WWOX: variants seen among roughly 807,000 people sequenced by gnomAD.
WWOX encodes the protein WW domain-containing oxidoreductase.
In WWOX, 69 loss-of-function variants were observed where a neutral mutation model predicts 46.2. The ratio of observed to expected loss-of-function variants is 1.49; its 90% CI spans 1.23 to 1.82. The LOEUF is 1.82. Among genes scored for constraint, WWOX ranks in the 40% most tolerant of loss-of-function variants. The pLI, the probability that WWOX is intolerant of heterozygous loss-of-function variation, is 0.00. For missense variants in WWOX, 919 were observed against 542.6 expected (o/e 1.69, Z -6.89); for synonymous variants, 359 against 202.6 (o/e 1.77, Z -6.56).
At chr16:79,090,552 TA>T (rs1567543046) in intron 8 of WWOX, among the ~76,000 whole-genome samples, 2 of 152,076 alleles carry the variant, frequency 1.3e-5, no homozygotes, top group Admixed American at 6.5e-5. Context: ...GCTGTAAAGA[TA>T]ATTCATTCCT....
chr16:78,516,712 G>T (rs919259771), intron 8 of WWOX, among the ~76,000 whole-genome samples: 1 of 152,184 alleles, frequency 6.6e-6, no homozygotes, highest in Non-Finnish European at 1.5e-5. Context: ...CAGCTGAAAT[G>T]ATCCTTACTT....
intron 8 of WWOX, among the ~76,000 whole-genome samples, chr16:79,171,575 G>A (rs1314912636): frequency 1.3e-5 from 2 of 152,184 alleles, no homozygotes; most frequent in Non-Finnish European, 2.9e-5. Flanking sequence ...AGTGGGTGCT[G>A]ATTTCACAGT....
chr16:78,145,614 T>G (rs1214302525), intron 4 of WWOX, among the ~76,000 whole-genome samples: 1 of 152,166 alleles, frequency 6.6e-6, no homozygotes, highest in African/African-American at 2.4e-5. Flanking sequence ...GACTTAAATG[T>G]TAACCTCCTT....
chr16:78,823,198 G>A (rs932216142), intron 8 of WWOX, among the ~76,000 whole-genome samples: 4 of 152,240 alleles, frequency 2.6e-5, no homozygotes, highest in African/African-American at 9.6e-5. Context: ...GGTGGAAACG[G>A]TCACAGGGTC....
At chr16:78,377,560 T>C (rs2081859633) in intron 5 of WWOX, among the ~76,000 whole-genome samples, 1 of 152,216 alleles carries the variant, frequency 6.6e-6, no homozygotes, top group African/African-American at 2.4e-5. Context: ...CTTACTTCAA[T>C]AGCAAGGCAT....
At chr16:78,881,787 C>T (rs1364474749) in intron 8 of WWOX, among the ~76,000 whole-genome samples, 2 of 152,186 alleles carry the variant, frequency 1.3e-5, no homozygotes, top group Non-Finnish European at 2.9e-5. Context: ...CAGTTGGTTT[C>T]TATAGTGATT....
intron 8 of WWOX, among the ~76,000 whole-genome samples, chr16:78,436,462 C>T (rs552470384): frequency 1.3e-5 from 2 of 152,258 alleles, no homozygotes; most frequent in Non-Finnish European, 2.9e-5. Flanking sequence ...TTTAGATAAG[C>T]ATGAAGATGA....
intron 8 of WWOX, among the ~76,000 whole-genome samples, chr16:78,784,415 CA>C (rs2050405263): frequency 6.6e-6 from 1 of 151,892 alleles, no homozygotes; most frequent in Admixed American, 6.6e-5. Flanking sequence ...TTTCTCCACC[CA>C]GGAGCCCTTA....
At position 79,211,854 on chromosome 16, in the gene WWOX, G is replaced by A; in HGVS notation, c.*58G>A. 1.2e-6 allele frequency: 2 copies of A among 1,607,584 alleles called. No individual in the cohort carries two copies. The highest frequency in any genetic ancestry group is 1.7e-6 in the Non-Finnish European group (2 of 1,177,744). On this transcript the variant is annotated 3_prime_UTR_variant, in exon 9 of 9. Coordinates refer to ENST00000566780, the MANE Select transcript of WWOX (RefSeq NM_016373.4). ...GCCCTGTGTGTGTCCCCTCACGCAA[G>A]TGCCAGGGCTGGGCCCCTTCCAAAT...
At position 78,432,640 on chromosome 16, in the gene WWOX, G is replaced by A. The variant is rs530883793; in HGVS notation, c.944G>A (p.Gly315Glu). 6.2e-7 allele frequency: 1 copy of A among 1,614,170 alleles called. No individual in the cohort carries two copies. The highest frequency in any genetic ancestry group is 1.7e-5 in the Admixed American group (1 of 60,022). ...NELHRRLSPR[G>E]VTSNAVHPGN... Reference sequence around the variant, plus strand: ...CTGCACCGTCGCCTCTCCCCACGCGGGGTCACGTCGAACGCAGTGCATCCT... The same window carrying A: ...CTGCACCGTCGCCTCTCCCCACGCGAGGTCACGTCGAACGCAGTGCATCCT... Residue 315 changes from glycine (G) to glutamate (E), a missense_variant, in exon 8 of 9, where the codon GGG (glycine) becomes GAG (glutamate). Coordinates refer to ENST00000566780, the MANE Select transcript of WWOX (RefSeq NM_016373.4).
intron 7 of WWOX, among the ~76,000 whole-genome samples, chr16:78,426,312 C>A (rs1019491726): frequency 2.6e-5 from 4 of 152,154 alleles, no homozygotes; most frequent in African/African-American, 9.7e-5. Flanking sequence ...CCCCAGTCAT[C>A]CACCAGATGT....
At chr16:78,139,233 G>A (rs1431886065) in intron 4 of WWOX, among the ~76,000 whole-genome samples, 1 of 152,112 alleles carries the variant, frequency 6.6e-6, no homozygotes. Context: ...TTTCTTCAAG[G>A]GACAGAACCA....
chr16:78,354,177 C>T (rs142697185), intron 5 of WWOX, among the ~76,000 whole-genome samples: 264 of 152,112 alleles, frequency 1.7e-3, no homozygotes, highest in Middle Eastern at 0.014. Flanking sequence ...TATCAGTTAC[C>T]TTCTGTTTGT....
intron 8 of WWOX, among the ~76,000 whole-genome samples, chr16:78,766,800 C>T (rs539910552): frequency 6.6e-6 from 1 of 152,236 alleles, no homozygotes; most frequent in African/African-American, 2.4e-5. Context: ...AAAATGTACA[C>T]AACTTAGTAT....
At position 78,718,921 on chromosome 16, in the gene WWOX, C is replaced by G. The variant is rs202220460; in HGVS notation, c.1056+286169C>G. Among the ~76,000 whole-genome samples, 33 of 152,180 alleles carry G rather than the reference C, an allele frequency of 2.2e-4. No homozygotes were observed. In the East Asian group the frequency reaches 4.8e-3, roughly 22 times the overall value. On this transcript the variant is annotated intron_variant, in intron 8 of 8. Transcript: ENST00000566780. ...TGGGGCTGACTCATGACCTAAAGAACATGGCATCTGGGGCTCTCTTGAAAT... is the reference window on the plus strand; with the variant it reads ...TGGGGCTGACTCATGACCTAAAGAAGATGGCATCTGGGGCTCTCTTGAAAT...
chr16:78,879,416 G>T (rs1438520335), intron 8 of WWOX, among the ~76,000 whole-genome samples: 2 of 152,022 alleles, frequency 1.3e-5, no homozygotes, highest in Non-Finnish European at 2.9e-5. Flanking sequence ...CATGCCATAA[G>T]GGCAAAATCC....
At chr16:79,074,408 C>CATTTTTTTTTTTTTTTTTTTTT (rs1186773193) in intron 8 of WWOX, among the ~76,000 whole-genome samples, 1 of 63,570 alleles carries the variant, frequency 1.6e-5, no homozygotes, top group African/African-American at 5.7e-5. Flanking sequence ...TGTCACTAGT[C>CATTTTTTTTTTTTTTTTTTTTT]CTTTTTTTTT....
chr16:78,993,747 C>T (rs1020036353), intron 8 of WWOX, among the ~76,000 whole-genome samples: 4 of 152,184 alleles, frequency 2.6e-5, no homozygotes, highest in African/African-American at 7.2e-5. Context: ...ATTTATATAA[C>T]ACACTCGCCA....
At chr16:79,128,290 C>T (rs548874102) in intron 8 of WWOX, among the ~76,000 whole-genome samples, 192 of 151,300 alleles carry the variant, frequency 1.3e-3, no homozygotes, top group African/African-American at 4.6e-3. Flanking sequence ...CACGTGTGTT[C>T]AGACAAACAC....
Sources: allele counts gnomAD v4.1 joint callset (sites outside exome capture counted in the v4.1 genomes callset), GRCh38; gene constraint gnomAD v4.1.1; transcripts MANE v1.5; gene names NCBI Gene and HGNC (gene_info 2026-07-23, HGNC 2026-07-21).